Variants in SNTG2 observed in about 807,000 individuals in gnomAD.
SNTG2 encodes the protein syntrophin gamma 2, also known as gamma-2-syntrophin.
A neutral mutation model predicts 70.9 loss-of-function variants in SNTG2; 74 were observed. That is an observed-to-expected ratio of 1.04 (90% CI 0.86 to 1.27). The LOEUF (loss-of-function observed/expected upper bound fraction) is 1.27, where lower values mean the gene tolerates loss of function less well. Among genes scored for constraint, SNTG2 ranks in the 50% most tolerant of loss-of-function variants. The pLI is 0.00. For synonymous variants in SNTG2, 278 were observed against 273.8 expected (o/e 1.02, Z -0.15); for missense variants, 717 against 690.7 (o/e 1.04, Z -0.43).
chr2:1,149,505 C>T (rs1377745827), intron 6 of SNTG2, among the ~76,000 whole-genome samples: 2 of 152,220 alleles, frequency 1.3e-5, no homozygotes, highest in African/African-American at 4.8e-5. Flanking sequence ...TACAAAATTA[C>T]CAAGACCTCT....
intron 11 of SNTG2, among the ~76,000 whole-genome samples, chr2:1,245,116 T>G (rs1677336274): frequency 9.2e-6 from 1 of 108,176 alleles, no homozygotes; most frequent in Admixed American, 1.2e-4. Context: ...CTCTGGGGAC[T>G]GTTGTCGGGT....
intron 14 of SNTG2, among the ~76,000 whole-genome samples, chr2:1,302,496 C>A (rs1253567382): frequency 1.4e-5 from 2 of 145,356 alleles, no homozygotes; most frequent in Non-Finnish European, 3.0e-5. Context: ...TCTAAAAAGG[C>A]CATCCAAAGA....
chr2:1,136,944 G>A (rs1196567557), intron 4 of SNTG2, among the ~76,000 whole-genome samples: 1 of 152,220 alleles, frequency 6.6e-6, no homozygotes, highest in Non-Finnish European at 1.5e-5. Context: ...CTAAGTGGCT[G>A]AGGGAATTCC....
intron 9 of SNTG2, among the ~76,000 whole-genome samples, chr2:1,220,573 A>G (rs1452279163): frequency 6.6e-6 from 1 of 152,238 alleles, no homozygotes; most frequent in East Asian, 1.9e-4. Flanking sequence ...GGCTGCTAGC[A>G]GGTGACAGAG....
At chr2:1,027,891 G>A (rs1299882463) in intron 1 of SNTG2, among the ~76,000 whole-genome samples, 1 of 144,540 alleles carries the variant, frequency 6.9e-6, no homozygotes, top group Non-Finnish European at 1.5e-5. Flanking sequence ...TCTCTGTTGA[G>A]TAAAGAGATA....
chr2:1,238,767 A>C (rs866832373), intron 10 of SNTG2, among the ~76,000 whole-genome samples: 3 of 152,150 alleles, frequency 2.0e-5, no homozygotes, highest in Admixed American at 6.5e-5. Flanking sequence ...TTGCACTTCG[A>C]TCCCTGCTCT....
At chr2:1,145,917 AT>A (rs1208788313) in intron 6 of SNTG2, among the ~76,000 whole-genome samples, 1 of 152,222 alleles carries the variant, frequency 6.6e-6, no homozygotes, top group African/African-American at 2.4e-5. Context: ...AATTAATGTA[AT>A]TTATCACATT....
At chr2:1,066,671 G>C (rs1663174574) in intron 1 of SNTG2, among the ~76,000 whole-genome samples, 1 of 152,082 alleles carries the variant, frequency 6.6e-6, no homozygotes, top group African/African-American at 2.4e-5. Context: ...TTGAGAAATG[G>C]TTCATTGTTG....
rs191852607 is a variant in SNTG2, at chr2:1,173,461, A to T, written c.591+278A>T. Among the ~76,000 whole-genome samples the T allele has an allele frequency of 1.2e-4, 18 of 152,370 alleles. No individual in the cohort carries two copies. In the East Asian group the frequency reaches 3.5e-3, roughly 29 times the overall value. ...TCTTTGAGTCCTGCCTCTGACTTAC[A>T]TATCACCGTGACTGTAGGAAGGACT... On this transcript the variant is annotated intron_variant, in intron 8 of 16. Transcript: ENST00000308624.
rs548263741 is a variant in SNTG2, at chr2:990,474, C to T, written c.72+39406C>T. On this transcript the variant is annotated intron_variant, in intron 1 of 16. Coordinates refer to ENST00000308624, the MANE Select transcript of SNTG2 (RefSeq NM_018968.4). ...ATGGCCCTTTCTCACTGTGTCCTCT[C>T]GTGGTGGGGGAGCTCTCCTGCCTCT... 4.6e-5 allele frequency among the ~76,000 whole-genome samples: 7 copies of T among 152,176 alleles called. No homozygotes were observed. In the East Asian group the frequency reaches 1.2e-3, roughly 25 times the overall value.
At chr2:1,308,083 C>A (rs559776719) in intron 14 of SNTG2, among the ~76,000 whole-genome samples, 1 of 152,120 alleles carries the variant, frequency 6.6e-6, no homozygotes, top group African/African-American at 2.4e-5. Flanking sequence ...CAGCTTCTGC[C>A]GGAACATGCT....
At chr2:1,012,178 C>A (rs1327342972) in intron 1 of SNTG2, among the ~76,000 whole-genome samples, 1 of 152,204 alleles carries the variant, frequency 6.6e-6, no homozygotes, top group Non-Finnish European at 1.5e-5. Context: ...AGTGGAGAAG[C>A]CGTAACAACA....
At chr2:1,244,492 T>G (rs369750008) in intron 11 of SNTG2, among the ~76,000 whole-genome samples, 1 of 151,896 alleles carries the variant, frequency 6.6e-6, no homozygotes, top group Non-Finnish European at 1.5e-5. Context: ...GGCAGGAGAT[T>G]GAGACCATCC....
chr2:1,014,791 G>C (rs983866353), intron 1 of SNTG2, among the ~76,000 whole-genome samples: 2 of 151,382 alleles, frequency 1.3e-5, no homozygotes, highest in Non-Finnish European at 3.0e-5. Flanking sequence ...GAGAAGGGTG[G>C]TCTGGAGAAG....
At chr2:1,154,469 G>A (rs1212810013) in intron 6 of SNTG2, among the ~76,000 whole-genome samples, 1 of 152,200 alleles carries the variant, frequency 6.6e-6, no homozygotes, top group Non-Finnish European at 1.5e-5. Flanking sequence ...CATATATGTT[G>A]AAAAACGCTG....
At chr2:1,073,413 C>T (rs1324949864) in intron 1 of SNTG2, among the ~76,000 whole-genome samples, 2 of 152,224 alleles carry the variant, frequency 1.3e-5, no homozygotes, top group African/African-American at 4.8e-5. Context: ...CCAGCCAAGG[C>T]TCAGATGATT....
chr2:1,168,492 C>T (rs1170921209), intron 7 of SNTG2, among the ~76,000 whole-genome samples: 1 of 152,210 alleles, frequency 6.6e-6, no homozygotes, highest in Middle Eastern at 3.2e-3. Flanking sequence ...AGAAGCGAGC[C>T]ACTCCCCCAT....
intron 4 of SNTG2, among the ~76,000 whole-genome samples, chr2:1,099,466 A>AT (rs1343393786): frequency 6.6e-6 from 1 of 152,186 alleles, no homozygotes; most frequent in Non-Finnish European, 1.5e-5. Flanking sequence ...TTCTCTAAAC[A>AT]TTCTTACTCA....
chr2:1,341,135 C>G (rs1250128068), intron 16 of SNTG2: 1 of 152,146 alleles, frequency 6.6e-6, no homozygotes, highest in Non-Finnish European at 1.5e-5. Flanking sequence ...ACGTGTGTCT[C>G]TGCTGTTGGA....
Sources: allele counts gnomAD v4.1 joint callset (sites outside exome capture counted in the v4.1 genomes callset), GRCh38; gene constraint gnomAD v4.1.1; transcripts MANE v1.5; gene names NCBI Gene and HGNC (gene_info 2026-07-23, HGNC 2026-07-21).